The following CELSR2 variants were observed in gnomAD, a reference collection of about 807,000 sequenced individuals.
CELSR2 encodes the protein cadherin EGF LAG seven-pass G-type receptor 2.
CELSR2 carries 81 observed loss-of-function variants against 251.6 expected under a neutral mutation model. The observed-to-expected ratio is 0.32, with a 90% CI of 0.27 to 0.39. The LOEUF (loss-of-function observed/expected upper bound fraction) is 0.39, where lower values mean the gene tolerates loss of function less well. Ranked by LOEUF, CELSR2 falls within the 10% of genes least tolerant of loss-of-function variation. The pLI, the probability that CELSR2 is intolerant of heterozygous loss-of-function variation, is 1.00. For synonymous variants in CELSR2, 1,721 were observed against 1,670.5 expected, an observed-to-expected ratio of 1.03 and a Z score of -0.74; for missense variants, 3,365 against 3,947.7, an observed-to-expected ratio of 0.85 and a Z score of 3.96.
chr1:109,273,925 C>A, intron 33 of CELSR2, 97 bp from the exon 34 acceptor site: 1 of 1,510,738 alleles, frequency 6.6e-7, no homozygotes, highest in Non-Finnish European at 9.2e-7. Context: ...GGGGTGCTTT[C>A]CTGTTTCCTT....
At chr1:109,256,913 C>G (rs561974630) in intron 1 of CELSR2, among the ~76,000 whole-genome samples, 134 of 152,288 alleles carry the variant, frequency 8.8e-4, no homozygotes, top group Non-Finnish European at 1.7e-3. Context: ...CCGCCTCAGC[C>G]TCCCAAAGTT....
At chr1:109,255,519 C>A (rs1655821384) in intron 1 of CELSR2, among the ~76,000 whole-genome samples, 1 of 152,216 alleles carries the variant, frequency 6.6e-6, no homozygotes, top group Admixed American at 6.5e-5. Context: ...CAGCTCCTGT[C>A]CATGGTCTGG....
At position 109,273,285 on chromosome 1, in the gene CELSR2, C is replaced by T; in HGVS notation, c.8458C>T (p.Arg2820Ter). Residue 2820 changes from arginine to a stop codon, truncating the protein, a stop_gained, in exon 32 of 34, where the codon CGA becomes TGA. Coordinates refer to ENST00000271332, the MANE Select transcript of CELSR2 (RefSeq NM_001408.3). LOFTEE classifies it high-confidence loss of function. The part of the protein sequence containing the change: ...RLRENGDALS[R>*]EGSLGPLPGS... ...GCGGGAGAATGGAGATGCCCTGTCT[C>T]GAGAGGGGTCCCTAGGCCCCCTTCC... 1 of 1,604,882 alleles carries T rather than the reference C, an allele frequency of 6.2e-7. No homozygotes were observed. Among genetic ancestry groups the T allele is most frequent in the Non-Finnish European group, 8.5e-7 (1 of 1,175,282 alleles).
chr1:109,269,374 C>A lies in CELSR2; in HGVS notation c.6813-50C>A, dbSNP rs776217946. 4 of 1,610,090 alleles carry A rather than the reference C, an allele frequency of 2.5e-6. No individual in the cohort carries two copies. The highest frequency in any genetic ancestry group is 1.7e-6 in the Non-Finnish European group (2 of 1,177,778). ...CATGGAGGGGGTCGGGGGCGTCTCCCCAGTCATGTGACTGCCGTGGTGACT... is the reference window on the plus strand; with the variant it reads ...CATGGAGGGGGTCGGGGGCGTCTCCACAGTCATGTGACTGCCGTGGTGACT... On this transcript the variant is annotated intron_variant, in intron 20 of 33. Transcript: ENST00000271332. This position sits in a 1 kb window ranked among gnomAD's most constrained non-coding sequence, Gnocchi z 6.4.
intron 2 of CELSR2, 138 bp downstream of exon 2, chr1:109,259,217 G>C: frequency 1.3e-6 from 1 of 798,472 alleles, no homozygotes; most frequent in Non-Finnish European, 1.9e-6. Flanking sequence ...TCATAAATCC[G>C]GCCTGCTCCC....
At chr1:109,263,867 G>A (rs1384027267) in intron 9 of CELSR2, 90 bp downstream of exon 9, 7 of 1,500,556 alleles carry the variant, frequency 4.7e-6, no homozygotes, top group Non-Finnish European at 6.2e-6. Context: ...GGCAGGTCCT[G>A]GGCAGGGGTG....
At position 109,263,146 on chromosome 1, in the gene CELSR2, C is replaced by T. The variant is rs760192392; in HGVS notation, c.4713C>T (p.Cys1571=). The change falls in exon 8 of 34, where the codon TGC becomes TGT. Residue 1571 remains cysteine (C), a synonymous_variant. Transcript: ENST00000271332. ...GCTGCCTTCTCTCCATTCCAGGCTG[C>T]CCTGCCAAGAAGAACGTGTGTGACA... ...FIANNGTVPG[C]PAKKNVCDSN... The T allele has an allele frequency of 1.9e-6, 3 of 1,597,008 alleles. No individual in the cohort carries two copies. The highest frequency in any genetic ancestry group is 2.6e-6 in the Non-Finnish European group (3 of 1,166,138).
Position 109,274,346 on chromosome 1 carries a change from C to T in CELSR2, c.*297C>T, listed in dbSNP as rs187184976. The T allele has an allele frequency of 3.5e-5, 20 of 573,374 alleles. No homozygotes were observed. Among genetic ancestry groups the T allele is most frequent in the Non-Finnish European group, 5.3e-5 (18 of 341,246 alleles). 35.5% of individuals were successfully genotyped at this position (573,374 alleles called of 1,614,324 possible). A position where few individuals can be genotyped will look rare whatever the true frequency, so the allele number is the denominator to read the frequency against. ...AAAAAAGAATTTAAAAAAGGATCTC[C>T]ACTCTTCATGACTTCAGGGATTCAT... On this transcript the variant is annotated 3_prime_UTR_variant, in exon 34 of 34. Transcript: ENST00000271332.
chr1:109,253,611 C>T (rs548620961), intron 1 of CELSR2, among the ~76,000 whole-genome samples: 26 of 152,352 alleles, frequency 1.7e-4, no homozygotes, highest in Admixed American at 1.1e-3. Flanking sequence ...TGGGCTGCTT[C>T]GGTTGGCTGC....
rs1200169306 is a variant in CELSR2 at position 109,272,742 on chromosome 1, G to A, written c.8143+14G>A. 4 of 1,613,812 alleles carry A rather than the reference G, an allele frequency of 2.5e-6. No individual in the cohort carries two copies. Among genetic ancestry groups the A allele is most frequent in the Non-Finnish European group, 3.4e-6 (4 of 1,179,834 alleles). ...ACCAGCAGCATGGTGAGGACAGAACGCTCTGGCCACCCAGCAGGGCAGTTG... is the reference window on the plus strand; with the variant it reads ...ACCAGCAGCATGGTGAGGACAGAACACTCTGGCCACCCAGCAGGGCAGTTG... On this transcript the variant is annotated intron_variant, in intron 30 of 33. Transcript: ENST00000271332.
intron 13 of CELSR2, 47 bp downstream of exon 13, chr1:109,265,358 C>T: frequency 6.4e-7 from 1 of 1,555,072 alleles, no homozygotes. Context: ...GGGCCTCTGT[C>T]CACATCTCCT....
Position 109,252,103 on chromosome 1 carries a change from A to G in CELSR2, c.2024A>G (p.Tyr675Cys). The change falls in exon 1 of 34, where the codon TAC becomes TGC. Residue 675 changes from tyrosine to cysteine, a missense_variant. Coordinates refer to ENST00000271332, the MANE Select transcript of CELSR2 (RefSeq NM_001408.3). This position sits in a 1 kb window ranked among gnomAD's most constrained non-coding sequence, Gnocchi z 4.8. The stretch of plus-strand genomic sequence containing the variant: ...GTATCCCTTGCCCTGCCACTGGACT[A>G]CAAACTTGAGCGGCAGTATGTGTTG... ...GLVSLALPLDYKLERQYVLAV... is the reference protein window; with the variant it reads ...GLVSLALPLDCKLERQYVLAV... The G allele has an allele frequency of 6.2e-7, 1 of 1,614,138 alleles. No homozygotes were observed. Among genetic ancestry groups the G allele is most frequent in the Non-Finnish European group, 8.5e-7 (1 of 1,180,032 alleles).
At position 109,265,210 on chromosome 1, in the gene CELSR2, C is replaced by T. The variant is rs367626671; in HGVS notation, c.5626C>T (p.Arg1876Cys). 2.7e-5 allele frequency: 43 copies of T among 1,608,014 alleles called. No individual in the cohort carries two copies. Among genetic ancestry groups the T allele is most frequent in the East Asian group, 1.1e-4 (5 of 44,832 alleles). ...CETRIDQPCP[R>C]GWWGHPTCGP... The stretch of plus-strand genomic sequence containing the variant: ...CTGCAGGATTGACCAGCCTTGTCCC[C>T]GTGGCTGGTGGGGACATCCCACATG... The change falls in exon 13 of 34, where the codon CGT becomes TGT. Residue 1876 changes from arginine (R) to cysteine (C), a missense_variant. Arg to Cys is a radical substitution (Grantham distance 180). This residue lies in a region of CELSR2 where 2,093 missense variants were observed against 2,382.8 expected (regional missense o/e 0.88). Transcript: ENST00000271332.
In CELSR2 at chr1:109,274,045, A is replaced by G. The variant is rs765854541; in HGVS notation, c.8768A>G (p.His2923Arg). ...GSEFLFFNFL[H>R] is the part of the protein sequence containing the mutation. The stretch of plus-strand genomic sequence containing the variant: ...AGATTTCTCTTCTTTAACTTCCTGC[A>G]TTAACCCTGGGCCGTGGTTCCTACG... The change falls in exon 34 of 34, where the codon CAT (histidine) becomes CGT (arginine). Residue 2923 changes from histidine (H) to arginine (R), a missense_variant. By Grantham distance (29) the His-to-Arg change is conservative. This residue lies in a region of CELSR2 where 2,093 missense variants were observed against 2,382.8 expected (regional missense o/e 0.88). Transcript: ENST00000271332. 8.7e-6 allele frequency: 14 copies of G among 1,613,826 alleles called. No individual in the cohort carries two copies. The African/African-American group carries it at 9.4e-5, about 11-fold the overall frequency.
At chr1:109,256,259 C>T (rs1343195296) in intron 1 of CELSR2, among the ~76,000 whole-genome samples, 2 of 152,148 alleles carry the variant, frequency 1.3e-5, no homozygotes, top group Non-Finnish European at 2.9e-5. Flanking sequence ...TTAGAAGACT[C>T]AGAGGACTGT....
rs1463820165 is a variant in CELSR2 at position 109,272,878 on chromosome 1, A to G, written c.8189A>G (p.Gln2730Arg). The change falls in exon 31 of 34, where the codon CAG becomes CGG. Residue 2730 changes from glutamine (Q) to arginine (R), a missense_variant. Gln to Arg is a conservative substitution (Grantham distance 43). This residue lies in a region of CELSR2 where 2,093 missense variants were observed against 2,382.8 expected (regional missense o/e 0.88). Coordinates refer to ENST00000271332, the MANE Select transcript of CELSR2 (RefSeq NM_001408.3). ...AGTGACCTGTCCTTAGAAGACGACC[A>G]GAGTGGCTCCTATGCCTCTACCCAC... ...SDSDLSLEDD[Q>R]SGSYASTHSS... The G allele has an allele frequency of 1.2e-5, 20 of 1,613,866 alleles. 1 individual carries two copies. Among genetic ancestry groups the G allele is most frequent in the African/African-American group, 5.3e-5 (4 of 74,888 alleles).
chr1:109,255,092 C>T (rs920055959), intron 1 of CELSR2, among the ~76,000 whole-genome samples: 1 of 152,170 alleles, frequency 6.6e-6, no homozygotes, highest in African/African-American at 2.4e-5. Context: ...ACATCCAGGA[C>T]GGCTCCTCCT....
chr1:109,252,990 C>G lies in CELSR2; in HGVS notation c.2911C>G (p.Leu971Val), dbSNP rs1317744781. 3 of 1,611,860 alleles carry G rather than the reference C, an allele frequency of 1.9e-6. No individual in the cohort carries two copies. The highest frequency in any genetic ancestry group is 2.5e-6 in the Non-Finnish European group (3 of 1,178,690). Reference sequence around the variant, plus strand: ...GGGCAACATCCCTGAGGTCTTTCAGCTGGACATCTTCTCCGGGGAGCTGAC... The same window carrying G: ...GGGCAACATCCCTGAGGTCTTTCAGGTGGACATCTTCTCCGGGGAGCTGAC... Reference protein sequence around the residue: ...VEGNIPEVFQLDIFSGELTAL... With the variant: ...VEGNIPEVFQVDIFSGELTAL... Residue 971 changes from leucine to valine, a missense_variant, in exon 1 of 34, where the codon CTG becomes GTG. This residue lies in a region of CELSR2 where 505 missense variants were observed against 660.0 expected (regional missense o/e 0.77). Transcript: ENST00000271332. The surrounding 1 kb of genome is among the most constrained non-coding windows in gnomAD (Gnocchi z 4.8).
intron 33 of CELSR2, 93 bp from the exon 34 acceptor site, chr1:109,273,929 T>C: frequency 1.3e-6 from 2 of 1,526,668 alleles, no homozygotes; most frequent in Non-Finnish European, 1.8e-6. Context: ...TGCTTTCCTG[T>C]TTCCTTCGTC....
Sources: gnomAD v4.1 joint callset for allele counts (sites outside exome capture counted in the v4.1 genomes callset) on GRCh38, gnomAD v4.1.1 for gene constraint, gnomAD v4.1.1 regional missense constraint, Gnocchi (gnomAD v3.1) non-coding constraint, MANE v1.5 for transcripts, NCBI Gene and HGNC (gene_info 2026-07-23, HGNC 2026-07-21) for gene names.